The following SUGCT variants were observed in gnomAD, a reference collection of about 807,000 sequenced individuals.
SUGCT encodes succinyl-CoA:glutarate-CoA transferase, also known as succinyl-CoA:glutarate CoA-transferase.
A neutral mutation model predicts 55.0 loss-of-function variants in SUGCT; 41 were observed. That is an observed-to-expected ratio of 0.74 (90% CI 0.58 to 0.97). The LOEUF is 0.97. Ranked by LOEUF, SUGCT falls within the 50% of genes least tolerant of loss-of-function variation. The pLI, the probability that SUGCT is intolerant of heterozygous loss-of-function variation, is 0.00. For missense variants in SUGCT, 568 were observed against 547.8 expected, an observed-to-expected ratio of 1.04 and a Z score of -0.37; for synonymous variants, 187 against 200.4, an observed-to-expected ratio of 0.93 and a Z score of 0.56.
At position 40,462,587 on chromosome 7, in the gene SUGCT, C is replaced by T. The variant is rs190073313; in HGVS notation, c.986+3389C>T. Among the ~76,000 whole-genome samples, 16 of 152,166 alleles carry T rather than the reference C, an allele frequency of 1.1e-4. No individual in the cohort carries two copies. In the East Asian group the frequency reaches 2.9e-3, roughly 28 times the overall value. On this transcript the variant is annotated intron_variant, in intron 11 of 13. Transcript: ENST00000335693. The stretch of plus-strand genomic sequence containing the variant: ...CAGCAACGTGGAGTCAGGAAGACCC[C>T]GTTTCTCACCTAGGAAGACCAGAGG...
At chr7:40,147,155 C>A (rs866323368) in intron 1 of SUGCT, among the ~76,000 whole-genome samples, 1 of 152,056 alleles carries the variant, frequency 6.6e-6, no homozygotes, top group African/African-American at 2.4e-5. Context: ...CTCCCCTCTC[C>A]TTCCCCTTCC....
intron 9 of SUGCT, among the ~76,000 whole-genome samples, chr7:40,367,937 A>T (rs1314106237): frequency 6.6e-6 from 1 of 151,820 alleles, no homozygotes; most frequent in Non-Finnish European, 1.5e-5. Context: ...CTCCTCCTTC[A>T]TGGCACTCCA....
chr7:40,819,727 T>C (rs1791877969), intron 13 of SUGCT, among the ~76,000 whole-genome samples: 1 of 152,234 alleles, frequency 6.6e-6, no homozygotes, highest in Non-Finnish European at 1.5e-5. Context: ...ACTCTGATGG[T>C]AGTTTCTTTT....
chr7:40,730,243 G>T (rs1442177216), intron 12 of SUGCT, among the ~76,000 whole-genome samples: 1 of 152,140 alleles, frequency 6.6e-6, no homozygotes, highest in Non-Finnish European at 1.5e-5. Context: ...GAGTACCTGA[G>T]ATTACAGGCA....
the SUGCT span, among the ~76,000 whole-genome samples, chr7:40,896,432 T>C: frequency 6.6e-6 from 1 of 152,160 alleles, no homozygotes; most frequent in African/African-American, 2.4e-5. Context: ...CACCCAAATC[T>C]CATCTTGAAT....
chr7:40,694,469 G>A (rs542175518), intron 12 of SUGCT, among the ~76,000 whole-genome samples: 1 of 152,336 alleles, frequency 6.6e-6, no homozygotes, highest in East Asian at 1.9e-4. Context: ...TATTCTTGAT[G>A]TCGAGCCTTT....
intron 13 of SUGCT, among the ~76,000 whole-genome samples, chr7:40,800,121 A>G (rs1175369675): frequency 3.9e-5 from 6 of 152,230 alleles, no homozygotes; most frequent in African/African-American, 1.4e-4. Flanking sequence ...CTACCCAGCC[A>G]AAAAGCAGGA....
At chr7:40,877,153 A>G in the SUGCT span, among the ~76,000 whole-genome samples, 1 of 152,318 alleles carries the variant, frequency 6.6e-6, no homozygotes, top group South Asian at 2.1e-4. Context: ...CTTCAGCCAA[A>G]GCATGTGCCC....
chr7:40,978,901 C>T, the SUGCT span, among the ~76,000 whole-genome samples: 1 of 152,166 alleles, frequency 6.6e-6, no homozygotes, highest in African/African-American at 2.4e-5. Context: ...CAATGGAAGT[C>T]ATTTGAAAGG....
intron 12 of SUGCT, among the ~76,000 whole-genome samples, chr7:40,594,960 A>T (rs2151741852): frequency 6.6e-6 from 1 of 152,318 alleles, no homozygotes; most frequent in South Asian, 2.1e-4. Context: ...TTATGGGCAA[A>T]GTCTCCTTTT....
chr7:40,784,547 C>T (rs1447444095), intron 13 of SUGCT, among the ~76,000 whole-genome samples: 2 of 152,158 alleles, frequency 1.3e-5, no homozygotes, highest in Non-Finnish European at 2.9e-5. Context: ...GAATTCTTGA[C>T]CTCTTGGGCC....
At chr7:40,795,647 C>G (rs1018148748) in intron 13 of SUGCT, among the ~76,000 whole-genome samples, 1 of 152,084 alleles carries the variant, frequency 6.6e-6, no homozygotes, top group East Asian at 1.9e-4. Context: ...GTTAAGAGGG[C>G]TTGTATTCTC....
At chr7:40,147,306 T>C (rs1162426430) in intron 1 of SUGCT, among the ~76,000 whole-genome samples, 2 of 152,164 alleles carry the variant, frequency 1.3e-5, no homozygotes, top group African/African-American at 4.8e-5. Flanking sequence ...TTACCTCTTT[T>C]TGAGGTTCAA....
At chr7:40,573,113 C>G (rs2151692906) in intron 12 of SUGCT, among the ~76,000 whole-genome samples, 2 of 152,270 alleles carry the variant, frequency 1.3e-5, no homozygotes, top group Middle Eastern at 6.8e-3. Flanking sequence ...AATACCAGAG[C>G]AACTTAAAAA....
intron 1 of SUGCT, among the ~76,000 whole-genome samples, chr7:40,162,893 C>T (rs1206918712): frequency 2.6e-5 from 4 of 152,184 alleles, no homozygotes; most frequent in African/African-American, 9.7e-5. Flanking sequence ...GTAACTCATT[C>T]AGAACTCATG....
chr7:40,523,521 G>A (rs2151579668), intron 12 of SUGCT, among the ~76,000 whole-genome samples: 1 of 152,100 alleles, frequency 6.6e-6, no homozygotes, highest in Non-Finnish European at 1.5e-5. Context: ...TCCACATAGT[G>A]GCTTAAACTA....
the SUGCT span, among the ~76,000 whole-genome samples, chr7:40,934,197 C>T: frequency 6.6e-6 from 1 of 152,200 alleles, no homozygotes; most frequent in Non-Finnish European, 1.5e-5. Flanking sequence ...TCAGGTCCCT[C>T]AGCTGCAGAT....
At chr7:40,333,150 A>G (rs1584703551) in intron 9 of SUGCT, among the ~76,000 whole-genome samples, 1 of 152,182 alleles carries the variant, frequency 6.6e-6, no homozygotes, top group Admixed American at 6.5e-5. Context: ...ACTAATGGAA[A>G]CTACTACTGC....
At chr7:40,715,334 C>T (rs2128677076) in intron 12 of SUGCT, among the ~76,000 whole-genome samples, 1 of 152,156 alleles carries the variant, frequency 6.6e-6, no homozygotes, top group African/African-American at 2.4e-5. Context: ...TGCAGAAGAA[C>T]ATCTAGCCTG....
Sources: gnomAD v4.1 joint callset for allele counts (sites outside exome capture counted in the v4.1 genomes callset) on GRCh38, gnomAD v4.1.1 for gene constraint, MANE v1.5 for transcripts, NCBI Gene and HGNC (gene_info 2026-07-23, HGNC 2026-07-21) for gene names.